Variants in MRTFB observed in about 807,000 individuals in gnomAD.
The protein encoded by MRTFB is myocardin-related transcription factor B.
Under a neutral mutation model 104.2 loss-of-function variants are expected in MRTFB, and 29 were observed. The ratio of observed to expected loss-of-function variants is 0.28; its 90% CI spans 0.21 to 0.38. The LOEUF (loss-of-function observed/expected upper bound fraction) is 0.38. MRTFB is among the 10% of genes least tolerant of loss of function. MRTFB has a pLI of 1.00. For missense variants in MRTFB, 1,270 were observed against 1,341.6 expected (o/e 0.95, Z 0.83); for synonymous variants, 535 against 519.5 (o/e 1.03, Z -0.41).
the MRTFB span, among the ~76,000 whole-genome samples, chr16:14,033,227 C>G: frequency 6.6e-6 from 1 of 151,624 alleles, no homozygotes; most frequent in African/African-American, 2.4e-5. Context: ...TAGCAAGGCC[C>G]CATCTCTACA....
chr16:14,174,022 C>T (rs2039503552), intron 3 of MRTFB, among the ~76,000 whole-genome samples: 2 of 152,140 alleles, frequency 1.3e-5, no homozygotes, highest in Admixed American at 6.5e-5. Flanking sequence ...ACATTGAGAT[C>T]AGAGTTGTTT....
intron 2 of MRTFB, among the ~76,000 whole-genome samples, chr16:14,121,873 A>G (rs2036861744): frequency 6.6e-6 from 1 of 152,196 alleles, no homozygotes; most frequent in South Asian, 2.1e-4. Context: ...GCAATTGTAG[A>G]ACTGAGTTTT....
At chr16:14,054,537 A>G in the MRTFB span, among the ~76,000 whole-genome samples, 7 of 152,196 alleles carry the variant, frequency 4.6e-5, no homozygotes, top group African/African-American at 1.7e-4. Flanking sequence ...TTTAGCTCTC[A>G]GCTTCTATGT....
chr16:14,175,328 A>G (rs1223833642), intron 3 of MRTFB, among the ~76,000 whole-genome samples: 2 of 152,112 alleles, frequency 1.3e-5, no homozygotes, highest in African/African-American at 2.4e-5. Context: ...TCCTCTTTCC[A>G]TCTCAGTCTC....
rs1180775593 is a variant in MRTFB, at chr16:14,264,450, G to A, written c.*3006G>A. ...AAAGCATCCACTAGGAAACCTCATA[G>A]GACAGTGTTAGTGGTTCACGTTCTA... On this transcript the variant is annotated 3_prime_UTR_variant, in exon 17 of 17. Transcript: ENST00000571589. 1.3e-5 allele frequency: 2 copies of A among 152,304 alleles called. No homozygotes were observed. The highest frequency in any genetic ancestry group is 3.9e-4 in the East Asian group (2 of 5,190). 9.4% of individuals were successfully genotyped at this position (152,304 alleles called of 1,614,324 possible).
At chr16:14,217,885 G>A (rs371252023) in intron 7 of MRTFB, among the ~76,000 whole-genome samples, 4 of 152,216 alleles carry the variant, frequency 2.6e-5, no homozygotes, top group African/African-American at 9.6e-5. Flanking sequence ...TTTTATCCTC[G>A]TCTTACCACA....
Position 14,247,120 on chromosome 16 carries a change from C to T in MRTFB, c.1860C>T (p.Ala620=), listed in dbSNP as rs779874123. Residue 620 remains alanine (A), a synonymous_variant, in exon 12 of 17, where the codon GCC becomes GCT. Transcript: ENST00000571589. The part of the protein sequence containing the change: ...QQRPLEAQPS[A]PGHSVKSDQK... The stretch of plus-strand genomic sequence containing the variant: ...GGCCCCTGGAAGCCCAGCCCAGTGC[C>T]CCAGGTCATTCTGTCAAGTCAGATC... 6.2e-7 allele frequency: 1 copy of T among 1,614,126 alleles called. No homozygotes were observed. Among genetic ancestry groups the T allele is most frequent in the South Asian group, 1.1e-5 (1 of 91,086 alleles).
At chr16:14,016,558 A>G in the MRTFB span, among the ~76,000 whole-genome samples, 1 of 152,080 alleles carries the variant, frequency 6.6e-6, no homozygotes, top group Admixed American at 6.6e-5. Context: ...GGATCACCTG[A>G]GGTCGGGAGT....
chr16:14,004,378 G>T, the MRTFB span, among the ~76,000 whole-genome samples: 1 of 152,178 alleles, frequency 6.6e-6, no homozygotes, highest in African/African-American at 2.4e-5. Context: ...AGAGGTCCAC[G>T]GGTGAAGCTA....
At chr16:14,022,365 G>T in the MRTFB span, among the ~76,000 whole-genome samples, 660 of 152,276 alleles carry the variant, frequency 4.3e-3, 3 homozygotes, top group African/African-American at 0.015. Context: ...AATCCCATTT[G>T]AGAGTTTCAG....
chr16:14,020,648 C>T, the MRTFB span, among the ~76,000 whole-genome samples: 1 of 152,184 alleles, frequency 6.6e-6, no homozygotes, highest in Non-Finnish European at 1.5e-5. Flanking sequence ...GCACAAGGAA[C>T]ATCAGATGTA....
chr16:14,247,097 C>T lies in MRTFB; in HGVS notation c.1837C>T (p.Pro613Ser). The T allele has an allele frequency of 6.2e-7, 1 of 1,614,164 alleles. No homozygotes were observed. The highest frequency in any genetic ancestry group is 8.5e-7 in the Non-Finnish European group (1 of 1,180,046). Residue 613 changes from proline (P) to serine (S), a missense_variant, in exon 12 of 17, where the codon CCC becomes TCC. Around this residue, in one of 3 missense-constraint regions of MRTFB, gnomAD observed 1,144 missense variants for 1,131.5 expected, o/e 1.01. Coordinates refer to ENST00000571589, the MANE Select transcript of MRTFB (RefSeq NM_001308142.2). ...EVEKRGQQQR[P>S]LEAQPSAPGH... Reference sequence around the variant, plus strand: ...TGAAAAACGAGGGCAGCAGCAGCGGCCCCTGGAAGCCCAGCCCAGTGCCCC... The same window carrying T: ...TGAAAAACGAGGGCAGCAGCAGCGGTCCCTGGAAGCCCAGCCCAGTGCCCC...
intron 7 of MRTFB, among the ~76,000 whole-genome samples, chr16:14,218,305 C>G (rs748998578): frequency 6.6e-6 from 1 of 152,094 alleles, no homozygotes; most frequent in African/African-American, 2.4e-5. Flanking sequence ...ATGATCCACC[C>G]GCCTCAGCCT....
At chr16:14,076,437 C>T (rs754753919) in intron 1 of MRTFB, among the ~76,000 whole-genome samples, 5 of 152,144 alleles carry the variant, frequency 3.3e-5, no homozygotes, top group Non-Finnish European at 7.3e-5. Flanking sequence ...TCAGGTTATC[C>T]ACCTGCATCG....
intron 15 of MRTFB, among the ~76,000 whole-genome samples, chr16:14,255,481 T>C (rs246170): frequency 0.071 from 10,875 of 152,272 alleles, 638 homozygotes; most frequent in East Asian, 0.31. Context: ...TAGAAGTTTT[T>C]AGGGAGGAAG....
chr16:14,040,295 C>T, the MRTFB span, among the ~76,000 whole-genome samples: 1 of 152,142 alleles, frequency 6.6e-6, no homozygotes, highest in Non-Finnish European at 1.5e-5. Flanking sequence ...TAATAACTGA[C>T]CATCCTCTTA....
chr16:14,244,947 G>T (rs76349874), intron 10 of MRTFB, among the ~76,000 whole-genome samples: 4,183 of 152,264 alleles, frequency 0.027, 201 homozygotes, highest in African/African-American at 0.092. Flanking sequence ...ATACTATCCT[G>T]AGTGTTTTTC....
At chr16:14,258,303 T>TTAAA in intron 16 of MRTFB, 142 bp downstream of exon 16, 1 of 700,906 alleles carries the variant, frequency 1.4e-6, no homozygotes, top group South Asian at 2.0e-5. Flanking sequence ...TTAAAATCTG[T>TTAAA]TAAATTTAGG....
the MRTFB span, chr16:14,020,291 A>T: frequency 2.7e-4 from 41 of 152,192 alleles, 3 homozygotes; most frequent in East Asian, 2.9e-3. Flanking sequence ...ATAGAATTTC[A>T]TCCTTTATTT....
Sources: gnomAD v4.1 joint callset for allele counts (sites outside exome capture counted in the v4.1 genomes callset) on GRCh38, gnomAD v4.1.1 for gene constraint, gnomAD v4.1.1 regional missense constraint, MANE v1.5 for transcripts, NCBI Gene and HGNC (gene_info 2026-07-23, HGNC 2026-07-21) for gene names.